FSIP2: variants seen among roughly 807,000 people sequenced by gnomAD.
The protein encoded by FSIP2 is fibrous sheath-interacting protein 2.
In FSIP2, 367 loss-of-function variants were observed where a neutral mutation model predicts 510.5. The ratio of observed to expected loss-of-function variants is 0.72; its 90% CI spans 0.66 to 0.78. The LOEUF (loss-of-function observed/expected upper bound fraction) is 0.78. FSIP2 is among the 30% of genes least tolerant of loss of function. The pLI is 0.00. For missense variants in FSIP2, 7,594 were observed against 7,901.7 expected (o/e 0.96, Z 1.48); for synonymous variants, 2,601 against 2,732.2 (o/e 0.95, Z 1.50).
rs1028594559 is a variant in FSIP2 at position 185,808,685 on chromosome 2, A to T, written c.19379A>T (p.Asp6460Val). Residue 6460 changes from aspartate (D) to valine (V), a missense_variant, in exon 17 of 23, where the codon GAT becomes GTT. Transcript: ENST00000424728. ...FPKKVASLII[D>V]GVSSFPLDTI... The stretch of plus-strand genomic sequence containing the variant: ...AAAAAAGTGGCTAGTTTAATTATTG[A>T]TGGAGTTTCAAGTTTTCCATTAGAT... 6.2e-7 allele frequency: 1 copy of T among 1,610,232 alleles called. No individual in the cohort carries two copies. The highest frequency in any genetic ancestry group is 1.3e-5 in the African/African-American group (1 of 74,832).
At position 185,794,432 on chromosome 2, in the gene FSIP2, C is replaced by T; in HGVS notation, c.7296C>T (p.His2432=). Residue 2432 remains histidine, a synonymous_variant, in exon 16 of 23, where the codon CAC becomes CAT. Coordinates refer to ENST00000424728, the MANE Select transcript of FSIP2 (RefSeq NM_173651.4). Reference sequence around the variant, plus strand: ...TATCAAATGAAATATTGCTGGGTCACAAAGAGAAGGAAAGAAGTACCAAAC... The same window carrying T: ...TATCAAATGAAATATTGCTGGGTCATAAAGAGAAGGAAAGAAGTACCAAAC... ...LALSNEILLG[H]KEKERSTKQS... is the part of the protein sequence containing the mutation. The T allele has an allele frequency of 6.6e-7, 1 of 1,512,008 alleles. No individual in the cohort carries two copies. Among genetic ancestry groups the T allele is most frequent in the Non-Finnish European group, 8.8e-7 (1 of 1,137,788 alleles). The allele number at this position is 1,512,008 out of a possible 1,614,324, so 93.7% of individuals were successfully genotyped here.
At position 185,805,608 on chromosome 2, in the gene FSIP2, A is replaced by G. The variant is rs1360673500; in HGVS notation, c.16302A>G (p.Ala5434=). The part of the protein sequence containing the change: ...QNTFTQISRC[A]KENQLSLPDQ... ...CCTTTACACAAATAAGCAGATGTGC[A>G]AAAGAGAACCAACTTTCTTTACCAG... Residue 5434 remains alanine (A), a synonymous_variant, in exon 17 of 23, where the codon GCA becomes GCG. Transcript: ENST00000424728. 6.2e-7 allele frequency: 1 copy of G among 1,609,030 alleles called. No homozygotes were observed. The highest frequency in any genetic ancestry group is 2.2e-5 in the East Asian group (1 of 44,776).
Position 185,792,062 on chromosome 2 carries a change from T to G in FSIP2, c.4926T>G (p.His1642Gln). The change falls in exon 16 of 23, where the codon CAT becomes CAG. Residue 1642 changes from histidine to glutamine, a missense_variant. By Grantham distance (24) the His-to-Gln change is conservative. Coordinates refer to ENST00000424728, the MANE Select transcript of FSIP2 (RefSeq NM_173651.4). ...EASFLSALYM[H>Q]AKKVSSAILK... ...CATTTCTGTCTGCTTTATATATGCA[T>G]GCAAAGAAGGTATCAAGTGCTATTT... 6.5e-7 allele frequency: 1 copy of G among 1,533,886 alleles called. No homozygotes were observed. The highest frequency in any genetic ancestry group is 8.7e-7 in the Non-Finnish European group (1 of 1,145,270).
At chr2:185,771,084 G>A (rs1692598517) in intron 13 of FSIP2, among the ~76,000 whole-genome samples, 1 of 152,178 alleles carries the variant, frequency 6.6e-6, no homozygotes, top group South Asian at 2.1e-4. Context: ...GCATTAGGCA[G>A]CCCCACCACT....
intron 12 of FSIP2, among the ~76,000 whole-genome samples, chr2:185,764,046 G>T (rs1249807382): frequency 6.6e-6 from 1 of 151,040 alleles, no homozygotes; most frequent in Non-Finnish European, 1.5e-5. Flanking sequence ...TTTGACATTG[G>T]GTGTCATATT....
intron 17 of FSIP2, among the ~76,000 whole-genome samples, chr2:185,813,313 G>A (rs919339519): frequency 2.0e-5 from 3 of 151,852 alleles, no homozygotes; most frequent in African/African-American, 7.3e-5. Flanking sequence ...TTTGGACTAA[G>A]TTATATTAGA....
In FSIP2 at chr2:185,788,766, C is replaced by G. The variant is rs1369795786; in HGVS notation, c.1630C>G (p.Pro544Ala). The change falls in exon 16 of 23, where the codon CCA becomes GCA. Residue 544 changes from proline to alanine, a missense_variant. Pro to Ala is a conservative substitution (Grantham distance 27). Transcript: ENST00000424728. ...AAAAAGATTGCAAAATAATACATAC[C>G]CAGTATCTGATGACTCCATCCTCTC... ...YEKRLQNNTY[P>A]VSDDSILSSD... 6.5e-6 allele frequency: 10 copies of G among 1,534,236 alleles called. No individual in the cohort carries two copies. The South Asian group carries it at 8.3e-5, about 13-fold the overall frequency.
intron 8 of FSIP2, among the ~76,000 whole-genome samples, chr2:185,754,946 T>G (rs1187877983): frequency 6.6e-6 from 1 of 151,552 alleles, no homozygotes; most frequent in African/African-American, 2.4e-5. Context: ...AGAACTTAAT[T>G]TATTTTGTTG....
chr2:185,824,467 T>C lies in FSIP2; in HGVS notation c.20460T>C (p.Ala6820=). 1 of 1,586,098 alleles carries C rather than the reference T, an allele frequency of 6.3e-7. No individual in the cohort carries two copies. Among genetic ancestry groups the C allele is most frequent in the Non-Finnish European group, 8.6e-7 (1 of 1,162,768 alleles). The change falls in exon 20 of 23, where the codon GCT becomes GCC. Residue 6820 remains alanine, a synonymous_variant. Transcript: ENST00000424728. Reference sequence around the variant, plus strand: ...AAGATTGTCACTCAGACCCAAGTGCTAAAATATTAGAAGGTTGGACTCCTT... The same window carrying C: ...AAGATTGTCACTCAGACCCAAGTGCCAAAATATTAGAAGGTTGGACTCCTT... ...EAEDCHSDPS[A]KILEESSQEQ... is the part of the protein sequence containing the mutation.
In FSIP2 at chr2:185,799,888, T is replaced by A. The variant is rs553915537; in HGVS notation, c.10582T>A (p.Trp3528Arg). Reference sequence around the variant, plus strand: ...AAAGGGTAGAGAAAAAGAGAAAGCATGGGAAATTCAAGAAGCAACATTTAG... The same window carrying A: ...AAAGGGTAGAGAAAAAGAGAAAGCAAGGGAAATTCAAGAAGCAACATTTAG... ...TKKGREKEKA[W>R]EIQEATFSKI... Residue 3528 changes from tryptophan (W) to arginine (R), a missense_variant, in exon 17 of 23, where the codon TGG becomes AGG. Coordinates refer to ENST00000424728, the MANE Select transcript of FSIP2 (RefSeq NM_173651.4). 6.5e-7 allele frequency: 1 copy of A among 1,533,686 alleles called. No individual in the cohort carries two copies. Among genetic ancestry groups the A allele is most frequent in the Non-Finnish European group, 8.7e-7 (1 of 1,145,440 alleles).
chr2:185,832,534 TA>T (rs1185417168), intron 22 of FSIP2, among the ~76,000 whole-genome samples: 1 of 151,820 alleles, frequency 6.6e-6, no homozygotes, highest in African/African-American at 2.4e-5. Flanking sequence ...CGCAACTTAT[TA>T]AGTATCAGAA....
At chr2:185,821,009 TAAAAAAA>T (rs59331328) in intron 19 of FSIP2, among the ~76,000 whole-genome samples, 12,325 of 75,044 alleles carry the variant, frequency 0.16, 836 homozygotes, top group East Asian at 0.32. Context: ...GTTGGTTCGT[TAAAAAAA>T]AAAAAAAAAA....
chr2:185,738,879 G>GT lies in FSIP2; in HGVS notation c.-16_-15insT. ...GCGGGGCGGGTGAGGAAGGGGCTGA[G>GT]GGGGCTGTGCCGGCCATGGAGCTGT... On this transcript the variant is annotated 5_prime_UTR_variant, in exon 1 of 23. Coordinates refer to ENST00000424728, the MANE Select transcript of FSIP2 (RefSeq NM_173651.4). 2 of 1,453,462 alleles carry GT rather than the reference G, an allele frequency of 1.4e-6. No individual in the cohort carries two copies. Among genetic ancestry groups the GT allele is most frequent in the Non-Finnish European group, 1.8e-6 (2 of 1,108,326 alleles). The allele number at this position is 1,453,462 out of a possible 1,614,324, so 90.0% of individuals were successfully genotyped here.
At chr2:185,821,112 G>C (rs182475669) in intron 19 of FSIP2, among the ~76,000 whole-genome samples, 1 of 149,226 alleles carries the variant, frequency 6.7e-6, no homozygotes, top group East Asian at 2.0e-4. Flanking sequence ...AAATGAAAGA[G>C]GTAAAATAGC....
In FSIP2 at chr2:185,805,154, A is replaced by C; in HGVS notation, c.15848A>C (p.Asp5283Ala). The change falls in exon 17 of 23, where the codon GAC becomes GCC. Residue 5283 changes from aspartate (D) to alanine (A), a missense_variant. Asp to Ala is a moderately radical substitution (Grantham distance 126). Transcript: ENST00000424728. ...ACATTTTTGGAAGACATAATCATTG[A>C]CCTTGTTCACAAATTTTGTTCTCTC... ...SATFLEDIII[D>A]LVHKFCSLLI... 2 of 1,610,038 alleles carry C rather than the reference A, an allele frequency of 1.2e-6. No homozygotes were observed. Among genetic ancestry groups the C allele is most frequent in the Non-Finnish European group, 1.7e-6 (2 of 1,177,720 alleles).
In FSIP2 at chr2:185,806,085, A is replaced by T; in HGVS notation, c.16779A>T (p.Thr5593=). ...ATTTTTCATTAATAATTGATGATAC[A>T]GAATATGAGAAGGAAGTACTTGGAT... ...YTHFSLIIDD[T]EYEKEVLGSD... Residue 5593 remains threonine (T), a synonymous_variant, in exon 17 of 23, where the codon ACA becomes ACT. Coordinates refer to ENST00000424728, the MANE Select transcript of FSIP2 (RefSeq NM_173651.4). 4 of 1,573,610 alleles carry T rather than the reference A, an allele frequency of 2.5e-6. No individual in the cohort carries two copies. Among genetic ancestry groups the T allele is most frequent in the Non-Finnish European group, 3.4e-6 (4 of 1,162,754 alleles).
At chr2:185,765,063 A>T (rs1692437282) in intron 13 of FSIP2, 1 of 152,134 alleles carries the variant, frequency 6.6e-6, no homozygotes, top group Admixed American at 6.6e-5. Flanking sequence ...TTAAAACTGT[A>T]TATATTGACG....
Position 185,807,965 on chromosome 2 carries a change from T to C in FSIP2, c.18659T>C (p.Val6220Ala). 1.2e-6 allele frequency: 2 copies of C among 1,609,594 alleles called. No homozygotes were observed. Among genetic ancestry groups the C allele is most frequent in the Non-Finnish European group, 1.7e-6 (2 of 1,177,526 alleles). The change falls in exon 17 of 23, where the codon GTC (valine) becomes GCC (alanine). Residue 6220 changes from valine to alanine, a missense_variant. Transcript: ENST00000424728. ...QKITSKVLNS[V>A]QEFISKSKIK... The stretch of plus-strand genomic sequence containing the variant: ...ATAACTTCAAAAGTACTAAATTCAG[T>C]CCAAGAATTTATCTCCAAAAGTAAG...
In FSIP2 at chr2:185,795,716, G is replaced by A. The variant is rs1244774221; in HGVS notation, c.8580G>A (p.Met2860Ile). 1.3e-6 allele frequency: 2 copies of A among 1,531,030 alleles called. No individual in the cohort carries two copies. The highest frequency in any genetic ancestry group is 1.7e-6 in the Non-Finnish European group (2 of 1,143,518). The allele number at this position is 1,531,030 out of a possible 1,614,324, so 94.8% of individuals were successfully genotyped here. The change falls in exon 16 of 23, where the codon ATG (methionine) becomes ATA (isoleucine). Residue 2860 changes from methionine to isoleucine, a missense_variant. Physicochemically the swap from Met to Ile is conservative, Grantham distance 10. Coordinates refer to ENST00000424728, the MANE Select transcript of FSIP2 (RefSeq NM_173651.4). ...AAAATGAAAAATGTAAGCTATTGAT[G>A]ATAGCTGAAAATGTTTTGACTGAAA... ...DKENEKCKLLMIAENVLTEIS... is the reference protein window; with the variant it reads ...DKENEKCKLLIIAENVLTEIS...
Sources: allele counts gnomAD v4.1 joint callset (sites outside exome capture counted in the v4.1 genomes callset), GRCh38; gene constraint gnomAD v4.1.1; transcripts MANE v1.5; gene names NCBI Gene and HGNC (gene_info 2026-07-23, HGNC 2026-07-21).